Variants in ZNRF2 observed in about 807,000 individuals in gnomAD.
The protein encoded by ZNRF2 is E3 ubiquitin-protein ligase ZNRF2.
In ZNRF2, 16 loss-of-function variants were observed where a neutral mutation model predicts 20.4. The observed-to-expected ratio is 0.79, with a 90% CI of 0.53 to 1.19. The LOEUF is 1.19. Ranked by LOEUF, ZNRF2 falls within the 50% of genes most tolerant of loss-of-function variation. The pLI, the probability that ZNRF2 is intolerant of heterozygous loss-of-function variation, is 0.00. For synonymous variants in ZNRF2, 178 were observed against 144.9 expected, an observed-to-expected ratio of 1.23 and a Z score of -1.64; for missense variants, 363 against 332.4, an observed-to-expected ratio of 1.09 and a Z score of -0.72.
intron 1 of ZNRF2, among the ~76,000 whole-genome samples, chr7:30,308,647 A>G (rs1389920386): frequency 6.6e-6 from 1 of 152,136 alleles, no homozygotes; most frequent in African/African-American, 2.4e-5. Flanking sequence ...GGTTATGTAT[A>G]CCTTCAGCTT....
chr7:30,332,532 C>G (rs955084646), intron 2 of ZNRF2, among the ~76,000 whole-genome samples: 1 of 152,122 alleles, frequency 6.6e-6, no homozygotes, highest in Admixed American at 6.5e-5. Context: ...CCCTCTCTTC[C>G]CACTTTTGGA....
At chr7:30,303,779 A>C (rs1799155967) in intron 1 of ZNRF2, among the ~76,000 whole-genome samples, 1 of 152,168 alleles carries the variant, frequency 6.6e-6, no homozygotes, top group Admixed American at 6.5e-5. Context: ...CCTCCCCCAG[A>C]CTTACTTAAA....
chr7:30,365,862 AG>A (rs1800205452), intron 4 of ZNRF2, among the ~76,000 whole-genome samples, 172 bp from the exon 5 acceptor site: 1 of 152,092 alleles, frequency 6.6e-6, no homozygotes, highest in Non-Finnish European at 1.5e-5. Flanking sequence ...TTATTGTGAA[AG>A]GGGGATGACT....
At chr7:30,316,523 G>A (rs1207790363) in intron 1 of ZNRF2, among the ~76,000 whole-genome samples, 6 of 152,050 alleles carry the variant, frequency 3.9e-5, no homozygotes, top group Non-Finnish European at 5.9e-5. Flanking sequence ...CTGGTAAAAC[G>A]CTTGTTGAAC....
chr7:30,367,176 T>C lies in ZNRF2; in HGVS notation c.*1164T>C, dbSNP rs1408784103. 1 of 152,550 alleles carries C rather than the reference T, an allele frequency of 6.6e-6. No individual in the cohort carries two copies. Among genetic ancestry groups the C allele is most frequent in the African/African-American group, 2.4e-5 (1 of 41,460 alleles). The allele number at this position is 152,550 out of a possible 1,614,324, so 9.4% of individuals were successfully genotyped here. ...TTTTTTAAAGTAGATATGAAGATTTTGTTAATTTATAATTTATTCATGTGT... is the reference window on the plus strand; with the variant it reads ...TTTTTTAAAGTAGATATGAAGATTTCGTTAATTTATAATTTATTCATGTGT... On this transcript the variant is annotated 3_prime_UTR_variant, in exon 5 of 5. Transcript: ENST00000323037.
intron 4 of ZNRF2, among the ~76,000 whole-genome samples, chr7:30,364,936 C>T (rs2127958892): frequency 6.6e-6 from 1 of 152,202 alleles, no homozygotes; most frequent in Non-Finnish European, 1.5e-5. Flanking sequence ...GCTCATTGCT[C>T]ATTTATGGCA....
chr7:30,285,983 A>T (rs1798781493), intron 1 of ZNRF2, among the ~76,000 whole-genome samples, 157 bp downstream of exon 1: 1 of 152,122 alleles, frequency 6.6e-6, no homozygotes, highest in African/African-American at 2.4e-5. Flanking sequence ...CCTGGAAGAA[A>T]CCCGGCGCTT....
chr7:30,287,156 C>T (rs1409738054), intron 1 of ZNRF2, among the ~76,000 whole-genome samples: 3 of 152,044 alleles, frequency 2.0e-5, no homozygotes, highest in Non-Finnish European at 4.4e-5. Flanking sequence ...AAGTCATTTG[C>T]TTTTGATTTT....
chr7:30,333,528 C>T (rs942070299), intron 2 of ZNRF2, among the ~76,000 whole-genome samples: 1 of 151,832 alleles, frequency 6.6e-6, no homozygotes, highest in Non-Finnish European at 1.5e-5. Flanking sequence ...CACCACTACG[C>T]CTGGCTAATT....
At chr7:30,290,229 C>T (rs1293212874) in intron 1 of ZNRF2, among the ~76,000 whole-genome samples, 1 of 152,178 alleles carries the variant, frequency 6.6e-6, no homozygotes, top group African/African-American at 2.4e-5. Context: ...AAACATAGGC[C>T]TTTTTGTGAA....
chr7:30,354,862 A>C (rs923418862), intron 2 of ZNRF2, among the ~76,000 whole-genome samples: 1 of 152,306 alleles, frequency 6.6e-6, no homozygotes, highest in African/African-American at 2.4e-5. Flanking sequence ...AAAAACAGTC[A>C]CAAAGTAAAT....
rs573489204 is a variant in ZNRF2 at position 30,340,776 on chromosome 7, C to G, written c.566-14952C>G. On this transcript the variant is annotated intron_variant, in intron 2 of 4. Coordinates refer to ENST00000323037, the MANE Select transcript of ZNRF2 (RefSeq NM_147128.4). ...CTCATAAATTGAGTTAGGGAGGAGT[C>G]TCTCTTTTTCTATTGTTTGGAATAG... 6.6e-4 allele frequency among the ~76,000 whole-genome samples: 100 copies of G among 151,990 alleles called. 1 individual carries two copies. The highest frequency in any genetic ancestry group is 9.2e-4 in the Admixed American group (14 of 15,276).
At chr7:30,364,425 G>C (rs1210258157) in intron 4 of ZNRF2, among the ~76,000 whole-genome samples, 1 of 152,220 alleles carries the variant, frequency 6.6e-6, no homozygotes, top group Non-Finnish European at 1.5e-5. Flanking sequence ...TGAGGCTGCA[G>C]TGAGCTATGA....
intron 2 of ZNRF2, among the ~76,000 whole-genome samples, chr7:30,332,983 T>A (rs959848305): frequency 6.6e-6 from 1 of 152,166 alleles, no homozygotes; most frequent in Non-Finnish European, 1.5e-5. Context: ...CTGAACTAAT[T>A]TACATTCCCA....
chr7:30,362,502 A>G (rs1800142267), intron 4 of ZNRF2, 46 bp downstream of exon 4: 3 of 1,161,146 alleles, frequency 2.6e-6, no homozygotes, highest in East Asian at 2.4e-5. Flanking sequence ...CCCAAATTAT[A>G]CATTCTAAAC....
chr7:30,311,214 G>A (rs1216346005), intron 1 of ZNRF2, among the ~76,000 whole-genome samples: 2 of 152,102 alleles, frequency 1.3e-5, no homozygotes, highest in Non-Finnish European at 2.9e-5. Context: ...GTCAATAGGG[G>A]TCCGGCACAA....
chr7:30,315,016 C>T (rs1799348012), intron 1 of ZNRF2, among the ~76,000 whole-genome samples: 1 of 151,966 alleles, frequency 6.6e-6, no homozygotes, highest in African/African-American at 2.4e-5. Context: ...TGGGGTTTCA[C>T]CATGTTAGCC....
rs1233850189 is a variant in ZNRF2, at chr7:30,336,314, AGTATCTTCTCAGCCACTGAGTAGTTTG to A, written c.565+12634_565+12660del. Among the ~76,000 whole-genome samples, 1,213 of 151,960 alleles carry A rather than the reference AGTATCTTCTCAGCCACTGAGTAGTTTG, an allele frequency of 8.0e-3. 11 individuals carry two copies. The highest frequency in any genetic ancestry group is 0.027 in the African/African-American group (1,118 of 41,332). On this transcript the variant is annotated intron_variant, in intron 2 of 4. Coordinates refer to ENST00000323037, the MANE Select transcript of ZNRF2 (RefSeq NM_147128.4). ...TGGATTTGCCTCAGAAGTGGCCATAAGTATCTTCTCAGCCACTGAGTAGTTTGGTATCTTCTCAGCCACTGAGTAGTT... is the reference window on the plus strand; with the variant it reads ...TGGATTTGCCTCAGAAGTGGCCATAAGTATCTTCTCAGCCACTGAGTAGTT...
At chr7:30,363,308 C>T (rs1210777716) in intron 4 of ZNRF2, among the ~76,000 whole-genome samples, 1 of 152,138 alleles carries the variant, frequency 6.6e-6, no homozygotes, top group Non-Finnish European at 1.5e-5. Flanking sequence ...AAGCATTTTA[C>T]ATCTATTAGT....
Sources: gnomAD v4.1 joint callset for allele counts (sites outside exome capture counted in the v4.1 genomes callset) on GRCh38, gnomAD v4.1.1 for gene constraint, MANE v1.5 for transcripts, NCBI Gene and HGNC (gene_info 2026-07-23, HGNC 2026-07-21) for gene names.